Variants in TEAD1 observed in about 807,000 individuals in gnomAD.
TEAD1 encodes TEA domain transcription factor 1.
In TEAD1, 9 loss-of-function variants were observed where a neutral mutation model predicts 54.9. The ratio of observed to expected loss-of-function variants is 0.16; its 90% CI spans 0.10 to 0.29. The LOEUF (loss-of-function observed/expected upper bound fraction) is 0.29, where lower values mean the gene tolerates loss of function less well. Among genes scored for constraint, TEAD1 ranks in the 10% least tolerant of loss-of-function variants. TEAD1 has a pLI of 1.00. For synonymous variants in TEAD1, 200 were observed against 187.8 expected (o/e 1.07, Z -0.53); for missense variants, 387 against 535.9 (o/e 0.72, Z 2.74).
intron 12 of TEAD1, 111 bp from the exon 13 acceptor site, chr11:12,936,998 T>A (rs1051963338): frequency 4.0e-6 from 3 of 741,920 alleles, no homozygotes; most frequent in Non-Finnish European, 7.1e-6. Context: ...GCTGAGCAAA[T>A]CTCTCTTGGA....
Position 12,862,479 on chromosome 11 carries a change from A to G in TEAD1, c.267+165A>G, listed in dbSNP as rs1376971588. On this transcript the variant is annotated intron_variant, in intron 4 of 12. Coordinates refer to ENST00000527636, the MANE Select transcript of TEAD1 (RefSeq NM_021961.6). ...TAAATTGGCTCAGTTTTCACTGTTC[A>G]TCATTTCAGTGACCCTTTATTATGT... Among the ~76,000 whole-genome samples the G allele has an allele frequency of 2.0e-5, 3 of 152,192 alleles. No homozygotes were observed. The East Asian group carries it at 5.8e-4, about 29-fold the overall frequency.
intron 9 of TEAD1, among the ~76,000 whole-genome samples, chr11:12,885,891 GGA>G (rs1383145768): frequency 6.6e-6 from 1 of 152,206 alleles, no homozygotes; most frequent in South Asian, 2.1e-4. Context: ...AAGCTGTACA[GGA>G]GAGGGGCTCA....
intron 10 of TEAD1, among the ~76,000 whole-genome samples, chr11:12,910,607 CA>C (rs1948598761): frequency 6.6e-6 from 1 of 152,138 alleles, no homozygotes; most frequent in South Asian, 2.1e-4. Flanking sequence ...TCACTCTAAT[CA>C]TTATCAAATT....
intron 9 of TEAD1, among the ~76,000 whole-genome samples, chr11:12,888,179 C>G (rs577879641): frequency 1.8e-4 from 27 of 152,238 alleles, no homozygotes; most frequent in African/African-American, 6.5e-4. Flanking sequence ...AGCTTTGCAC[C>G]CCAGCCTGCC....
At chr11:12,879,509 T>C (rs1589952820) in intron 5 of TEAD1, 199 bp from the exon 6 acceptor site, 4 of 707,860 alleles carry the variant, frequency 5.7e-6, no homozygotes, top group African/African-American at 3.5e-5. Context: ...CCATTGGGTC[T>C]TCCCAGTAAA....
At chr11:12,884,859 A>G (rs1284444133) in intron 9 of TEAD1, among the ~76,000 whole-genome samples, 1 of 152,198 alleles carries the variant, frequency 6.6e-6, no homozygotes, top group Non-Finnish European at 1.5e-5. Context: ...AGACAAACTG[A>G]AAGATGCCCT....
At chr11:12,799,054 A>G (rs560729950) in intron 3 of TEAD1, among the ~76,000 whole-genome samples, 1 of 152,352 alleles carries the variant, frequency 6.6e-6, no homozygotes, top group South Asian at 2.1e-4. Context: ...GAGATGTCCT[A>G]CTGGGCTTTT....
At chr11:12,890,342 G>C (rs77329141) in intron 9 of TEAD1, among the ~76,000 whole-genome samples, 2,334 of 152,280 alleles carry the variant, frequency 0.015, 59 homozygotes, top group African/African-American at 0.053. Flanking sequence ...TGGTTACTCT[G>C]GGTTTCCTCT....
intron 3 of TEAD1, among the ~76,000 whole-genome samples, chr11:12,789,882 GC>G (rs1432711503): frequency 6.6e-6 from 1 of 152,236 alleles, no homozygotes; most frequent in African/African-American, 2.4e-5. Context: ...TGCCCAGGGG[GC>G]TCAGCGTAAC....
intron 3 of TEAD1, among the ~76,000 whole-genome samples, chr11:12,845,039 C>T (rs1947114240): frequency 1.4e-5 from 2 of 138,790 alleles, no homozygotes. Context: ...AATCTTGGCT[C>T]ACTGCAACCT....
chr11:12,703,180 A>G (rs572559555), intron 2 of TEAD1, among the ~76,000 whole-genome samples: 1 of 152,156 alleles, frequency 6.6e-6, no homozygotes, highest in East Asian at 1.9e-4. Flanking sequence ...TCAGTGGAGC[A>G]TAGCATCCCA....
chr11:12,808,251 A>G (rs889392682), intron 3 of TEAD1, among the ~76,000 whole-genome samples: 1 of 151,930 alleles, frequency 6.6e-6, no homozygotes, highest in East Asian at 1.9e-4. Context: ...TATAGGTCAT[A>G]GTAGGCTCAT....
chr11:12,717,773 G>A (rs564023188), intron 2 of TEAD1, among the ~76,000 whole-genome samples: 2 of 152,320 alleles, frequency 1.3e-5, no homozygotes, highest in South Asian at 4.1e-4. Context: ...CCTCAGGTGA[G>A]GTAGCATGGC....
chr11:12,762,131 A>G (rs1235356669), intron 2 of TEAD1, among the ~76,000 whole-genome samples: 1 of 152,140 alleles, frequency 6.6e-6, no homozygotes, highest in African/African-American at 2.4e-5. Context: ...GGCTCCTCGG[A>G]GTAAATTCAT....
chr11:12,872,084 G>A (rs1182717744), intron 5 of TEAD1, among the ~76,000 whole-genome samples: 4 of 152,112 alleles, frequency 2.6e-5, no homozygotes, highest in Non-Finnish European at 4.4e-5. Flanking sequence ...CTTCCAATAG[G>A]CAGAGAGCTT....
chr11:12,724,598 T>A (rs1944279037), intron 2 of TEAD1, among the ~76,000 whole-genome samples: 1 of 152,230 alleles, frequency 6.6e-6, no homozygotes, highest in Non-Finnish European at 1.5e-5. Flanking sequence ...CAAGCCTAGT[T>A]CCTGTTTGAA....
At chr11:12,736,412 G>A (rs1590099244) in intron 2 of TEAD1, among the ~76,000 whole-genome samples, 3 of 152,276 alleles carry the variant, frequency 2.0e-5, no homozygotes, top group Admixed American at 2.0e-4. Flanking sequence ...AGAAAAAATA[G>A]GGATTTAAAA....
chr11:12,766,190 G>A lies in TEAD1; in HGVS notation c.202+1756G>A, dbSNP rs1268339492. On this transcript the variant is annotated intron_variant, in intron 3 of 12. Coordinates refer to ENST00000527636, the MANE Select transcript of TEAD1 (RefSeq NM_021961.6). The stretch of plus-strand genomic sequence containing the variant: ...TACTGGGAAAGGTCCTGTCCTTTCA[G>A]GAATAAGGTTTTGGGGCTGAGAACA... Among the ~76,000 whole-genome samples, 3 of 152,316 alleles carry A rather than the reference G, an allele frequency of 2.0e-5. No homozygotes were observed. The East Asian group carries it at 5.8e-4, about 29-fold the overall frequency.
At chr11:12,692,569 G>A (rs949445979) in intron 2 of TEAD1, among the ~76,000 whole-genome samples, 1 of 152,066 alleles carries the variant, frequency 6.6e-6, no homozygotes, top group African/African-American at 2.4e-5. Flanking sequence ...TTAAAGGAAA[G>A]TACAGTATTG....
Sources: gnomAD v4.1 joint callset for allele counts (sites outside exome capture counted in the v4.1 genomes callset) on GRCh38, gnomAD v4.1.1 for gene constraint, MANE v1.5 for transcripts, NCBI Gene and HGNC (gene_info 2026-07-23, HGNC 2026-07-21) for gene names.